Variants in OXNAD1 observed in about 807,000 individuals in gnomAD.
OXNAD1 encodes oxidoreductase NAD binding domain containing 1, also known as oxidoreductase NAD-binding domain-containing protein 1.
A neutral mutation model predicts 32.9 loss-of-function variants in OXNAD1; 34 were observed. The observed-to-expected ratio is 1.03, with a 90% CI of 0.79 to 1.38. The LOEUF (loss-of-function observed/expected upper bound fraction) is 1.38. Ranked by LOEUF, OXNAD1 falls within the 40% of genes most tolerant of loss-of-function variation. The pLI is 0.00. For synonymous variants in OXNAD1, 134 were observed against 135.2 expected (o/e 0.99, Z 0.06); for missense variants, 407 against 379.4 (o/e 1.07, Z -0.60).
rs970323022 is a variant in OXNAD1, at chr3:16,317,413, C to T, written c.*30+13821C>T. ...GCACACTATCACATCACACCCACCCCAAGAGCCTGCACCACACCTTCCAGG... is the reference window on the plus strand; with the variant it reads ...GCACACTATCACATCACACCCACCCTAAGAGCCTGCACCACACCTTCCAGG... On this transcript the variant is annotated intron_variant, in intron 9 of 9. Coordinates refer to the OXNAD1 transcript ENST00000435829. This position sits in a 1 kb window ranked among gnomAD's most constrained non-coding sequence, Gnocchi z 4.3. Among the ~76,000 whole-genome samples the T allele has an allele frequency of 1.3e-5, 2 of 152,076 alleles. No individual in the cohort carries two copies. The highest frequency in any genetic ancestry group is 2.1e-4 in the South Asian group (1 of 4,816).
intron 4 of OXNAD1, among the ~76,000 whole-genome samples, chr3:16,282,463 A>G (rs2065813638): frequency 6.6e-6 from 1 of 152,124 alleles, no homozygotes; most frequent in African/African-American, 2.4e-5. Flanking sequence ...TCATTCTGCA[A>G]ATACTTACTG....
intron 4 of OXNAD1, chr3:16,275,611 A>G (rs1254593865): frequency 6.1e-6 from 1 of 163,498 alleles, no homozygotes; most frequent in African/African-American, 2.4e-5. Flanking sequence ...CATAGTTTAC[A>G]TCCTTATGTA....
chr3:16,301,347 G>A lies in OXNAD1; in HGVS notation c.433-279G>A, dbSNP rs372605029. On this transcript the variant is annotated intron_variant, in intron 6 of 8. Transcript: ENST00000285083. This position sits in a 1 kb window ranked among gnomAD's most constrained non-coding sequence, Gnocchi z 4.1. ...GCCTCTTTCCTCAATCCAGTTCATC[G>A]CCTAAGAAGTTAACAAATGGTGAAA... Among the ~76,000 whole-genome samples, 162 of 152,234 alleles carry A rather than the reference G, an allele frequency of 1.1e-3. 2 individuals are homozygous for A. The Middle Eastern group carries it at 0.014, about 13-fold the overall frequency.
At position 16,284,276 on chromosome 3, in the gene OXNAD1, CA is replaced by C. The variant is rs1240720804; in HGVS notation, c.184-2063del. ...AATAAAATGTAATATATAATGTAAA[CA>C]AATGCTAATTAATTTTAATTAAGAC... On this transcript the variant is annotated intron_variant, in intron 4 of 8. Coordinates refer to ENST00000285083, the MANE Select transcript of OXNAD1 (RefSeq NM_138381.5). The surrounding 1 kb of genome is among the most constrained non-coding windows in gnomAD (Gnocchi z 4.1). Among the ~76,000 whole-genome samples the C allele has an allele frequency of 2.0e-5, 3 of 152,132 alleles. No individual in the cohort carries two copies. The highest frequency in any genetic ancestry group is 4.4e-5 in the Non-Finnish European group (3 of 68,024).
intron 4 of OXNAD1, among the ~76,000 whole-genome samples, chr3:16,278,597 TC>T (rs1307969851): frequency 6.6e-6 from 1 of 152,222 alleles, no homozygotes; most frequent in Non-Finnish European, 1.5e-5. Flanking sequence ...TATATTGTTG[TC>T]CTAAGTTTAA....
At chr3:16,331,958 C>CAAT (rs1215741468) in intron 9 of OXNAD1, among the ~76,000 whole-genome samples, 1 of 152,216 alleles carries the variant, frequency 6.6e-6, no homozygotes, top group Non-Finnish European at 1.5e-5. Flanking sequence ...TTCTAGATGT[C>CAAT]AGCAATGCTA....
intron 9 of OXNAD1, among the ~76,000 whole-genome samples, chr3:16,318,120 G>T (rs1336682650): frequency 6.6e-6 from 1 of 152,064 alleles, no homozygotes; most frequent in Non-Finnish European, 1.5e-5. Context: ...ATAGAGTTGG[G>T]CAACAACCAG....
chr3:16,298,461 A>G lies in OXNAD1; in HGVS notation c.433-3165A>G, dbSNP rs1460430010. On this transcript the variant is annotated intron_variant, in intron 6 of 8. Transcript: ENST00000285083. This position sits in a 1 kb window ranked among gnomAD's most constrained non-coding sequence, Gnocchi z 5.1. The stretch of plus-strand genomic sequence containing the variant: ...ATTCTTACAGGCTGTAGAAAATCTC[A>G]AAGTGTTATTGCCTGAATGCACATC... Among the ~76,000 whole-genome samples, 11 of 152,146 alleles carry G rather than the reference A, an allele frequency of 7.2e-5. No individual in the cohort carries two copies. Among genetic ancestry groups the G allele is most frequent in the Non-Finnish European group, 1.0e-4 (7 of 68,024 alleles).
In OXNAD1 at chr3:16,265,727, G is replaced by A. The variant is rs6793891; in HGVS notation, c.-159+222G>A. Reference sequence around the variant, plus strand: ...CACTAAGTGGAATTGTCAACTCTAGGAGTTTACATGTTATTCCATTTTATT... The same window carrying A: ...CACTAAGTGGAATTGTCAACTCTAGAAGTTTACATGTTATTCCATTTTATT... On this transcript the variant is annotated intron_variant, in intron 1 of 8. Transcript: ENST00000285083. This position sits in a 1 kb window ranked among gnomAD's most constrained non-coding sequence, Gnocchi z 4.8. The A allele has an allele frequency of 0.14, 42,575 of 299,596 alleles. 3,270 individuals are homozygous for A. Among genetic ancestry groups the A allele is most frequent in the African/African-American group, 0.18 (7,945 of 43,998 alleles). The allele number at this position is 299,596 out of a possible 1,614,324, so 18.6% of individuals were successfully genotyped here.
intron 4 of OXNAD1, among the ~76,000 whole-genome samples, chr3:16,285,204 A>G (rs1001651630): frequency 3.3e-5 from 5 of 152,248 alleles, no homozygotes; most frequent in Non-Finnish European, 7.3e-5. Flanking sequence ...ACCATCCATC[A>G]TGAGAATTAT....
chr3:16,324,116 C>T (rs1259510564), intron 9 of OXNAD1, among the ~76,000 whole-genome samples: 1 of 151,080 alleles, frequency 6.6e-6, no homozygotes, highest in Non-Finnish European at 1.5e-5. Context: ...TTTTTTTTTT[C>T]CCCTGCTTCC....
chr3:16,311,187 TATTATATA>T (rs1319039911), intron 9 of OXNAD1, among the ~76,000 whole-genome samples: 1 of 110,682 alleles, frequency 9.0e-6, no homozygotes, highest in Non-Finnish European at 1.8e-5. Context: ...TTTTTAAAAA[TATTATATA>T]TTTTATATAT....
In OXNAD1 at chr3:16,312,458, C is replaced by CCA. The variant is rs146778751; in HGVS notation, c.*30+8874_*30+8875dup. On this transcript the variant is annotated intron_variant, in intron 9 of 9. Coordinates refer to the OXNAD1 transcript ENST00000435829. This position sits in a 1 kb window ranked among gnomAD's most constrained non-coding sequence, Gnocchi z 4.7. The stretch of plus-strand genomic sequence containing the variant: ...GGAGTCAGTGCCGAGCTTCTCCTGG[C>CCA]CACACACACCAGTCATCCTCACCCT... Among the ~76,000 whole-genome samples, 12,894 of 152,262 alleles carry CCA rather than the reference C, an allele frequency of 0.085. 774 individuals are homozygous for CCA. The highest frequency in any genetic ancestry group is 0.13 in the Non-Finnish European group (9,022 of 67,990).
intron 9 of OXNAD1, among the ~76,000 whole-genome samples, chr3:16,333,763 C>T (rs896629214): frequency 5.9e-5 from 9 of 151,894 alleles, no homozygotes; most frequent in African/African-American, 2.2e-4. Flanking sequence ...AAGAAAAAAT[C>T]CAATAATCCA....
chr3:16,276,439 C>A, intron 4 of OXNAD1: 1 of 201,550 alleles, frequency 5.0e-6, no homozygotes, highest in South Asian at 9.1e-5. Context: ...AATCCCCCGT[C>A]TGATGTCAAG....
At chr3:16,315,810 G>A (rs536752782) in intron 9 of OXNAD1, 1 of 152,352 alleles carries the variant, frequency 6.6e-6, no homozygotes, top group Admixed American at 6.5e-5. Flanking sequence ...CATGAGGCCA[G>A]GACTGTTCCT....
chr3:16,307,598 A>T (rs2125114184), downstream of OXNAD1, among the ~76,000 whole-genome samples: 1 of 152,282 alleles, frequency 6.6e-6, no homozygotes, highest in South Asian at 2.1e-4. Flanking sequence ...ATTGAGAGGA[A>T]ATCAATTATA....
chr3:16,302,094 T>G lies in OXNAD1; in HGVS notation c.675+226T>G, dbSNP rs2067225448. On this transcript the variant is annotated intron_variant, in intron 7 of 8. Transcript: ENST00000285083. The surrounding 1 kb of genome is among the most constrained non-coding windows in gnomAD (Gnocchi z 4.2). Reference sequence around the variant, plus strand: ...GGTGACAGGAAAGGGTAGGTTTTGGTGGGATGGAATCTGGAGGTTAAATGA... The same window carrying G: ...GGTGACAGGAAAGGGTAGGTTTTGGGGGGATGGAATCTGGAGGTTAAATGA... Among the ~76,000 whole-genome samples, 1 of 152,056 alleles carries G rather than the reference T, an allele frequency of 6.6e-6. No homozygotes were observed. The highest frequency in any genetic ancestry group is 1.5e-5 in the Non-Finnish European group (1 of 67,994).
chr3:16,293,586 TAGG>T (rs1413728504), intron 5 of OXNAD1, among the ~76,000 whole-genome samples: 2 of 152,202 alleles, frequency 1.3e-5, no homozygotes, highest in Non-Finnish European at 2.9e-5. Flanking sequence ...TTGTTTCTCT[TAGG>T]GGGGAAACTT....
Sources: gnomAD v4.1 joint callset for allele counts (sites outside exome capture counted in the v4.1 genomes callset) on GRCh38, gnomAD v4.1.1 for gene constraint, Gnocchi (gnomAD v3.1) non-coding constraint, MANE v1.5 for transcripts, NCBI Gene and HGNC (gene_info 2026-07-23, HGNC 2026-07-21) for gene names.